KDM4C: variants seen among roughly 807,000 people sequenced by gnomAD.
The protein encoded by KDM4C is lysine demethylase 4C.
In KDM4C, 81 loss-of-function variants were observed where a neutral mutation model predicts 129.3. The ratio of observed to expected loss-of-function variants is 0.63; its 90% confidence interval spans 0.52 to 0.75. The LOEUF is 0.75. Among genes scored for constraint, KDM4C ranks in the 30% least tolerant of loss-of-function variants. The pLI is 0.00. For missense variants in KDM4C, 1,457 were observed against 1,304.0 expected, an observed-to-expected ratio of 1.12 and a Z score of -1.81; for synonymous variants, 573 against 456.1, an observed-to-expected ratio of 1.26 and a Z score of -3.26.
intron 12 of KDM4C, among the ~76,000 whole-genome samples, chr9:6,996,024 A>G (rs889293365): frequency 6.6e-6 from 1 of 152,200 alleles, no homozygotes; most frequent in Non-Finnish European, 1.5e-5. Context: ...GATTTATTAC[A>G]TGGATATACT....
At chr9:7,050,918 A>G (rs1830070114) in intron 17 of KDM4C, among the ~76,000 whole-genome samples, 1 of 152,184 alleles carries the variant, frequency 6.6e-6, no homozygotes. Context: ...CTTTCCTCAC[A>G]GTGCTGTGCT....
At chr9:7,119,158 A>G (rs1839233417) in intron 18 of KDM4C, among the ~76,000 whole-genome samples, 1 of 152,154 alleles carries the variant, frequency 6.6e-6, no homozygotes, top group Non-Finnish European at 1.5e-5. Flanking sequence ...TTAACCCTTT[A>G]TAAGGTGCCT....
intron 19 of KDM4C, among the ~76,000 whole-genome samples, chr9:7,160,507 G>A (rs115703465): frequency 6.6e-6 from 1 of 152,124 alleles, no homozygotes; most frequent in Non-Finnish European, 1.5e-5. Flanking sequence ...CTACAGATCG[G>A]GTTTTGGCGT....
intron 2 of KDM4C, among the ~76,000 whole-genome samples, chr9:6,796,899 A>T (rs1334051374): frequency 6.6e-6 from 1 of 152,198 alleles, no homozygotes; most frequent in African/African-American, 2.4e-5. Flanking sequence ...AAATCATATT[A>T]TAAAAATCAA....
chr9:7,038,698 G>A (rs945121891), intron 15 of KDM4C, among the ~76,000 whole-genome samples: 8 of 152,046 alleles, frequency 5.3e-5, no homozygotes, highest in Admixed American at 5.2e-4. Context: ...AAGTCAGCCT[G>A]CTGAGTCATT....
chr9:7,163,804 G>T (rs1844063856), intron 19 of KDM4C, among the ~76,000 whole-genome samples: 1 of 152,162 alleles, frequency 6.6e-6, no homozygotes, highest in Admixed American at 6.5e-5. Context: ...TCCTATGAGG[G>T]CCAAGGATAG....
At chr9:7,002,861 C>A (rs535703309) in intron 12 of KDM4C, among the ~76,000 whole-genome samples, 8 of 152,304 alleles carry the variant, frequency 5.3e-5, no homozygotes, top group Admixed American at 3.3e-4. Flanking sequence ...AAAGTTTACA[C>A]TCTACACTCT....
intron 4 of KDM4C, among the ~76,000 whole-genome samples, chr9:6,821,999 G>T (rs1014817729): frequency 5.9e-5 from 9 of 152,238 alleles, no homozygotes; most frequent in Middle Eastern, 3.4e-3. Context: ...TAAAAAATCT[G>T]AACACCATGG....
intron 15 of KDM4C, among the ~76,000 whole-genome samples, chr9:7,017,952 C>T (rs1347345475): frequency 6.6e-6 from 1 of 152,196 alleles, no homozygotes; most frequent in Non-Finnish European, 1.5e-5. Context: ...AATATGGACA[C>T]TCTTTATGGT....
chr9:6,794,880 C>A lies in KDM4C; in HGVS notation c.144+1748C>A, dbSNP rs1196545789. Among the ~76,000 whole-genome samples the A allele has an allele frequency of 2.6e-5, 4 of 152,068 alleles. No homozygotes were observed. In the East Asian group the frequency reaches 7.7e-4, roughly 29 times the overall value. On this transcript the variant is annotated intron_variant, in intron 2 of 21. Coordinates refer to ENST00000381309, the MANE Select transcript of KDM4C (RefSeq NM_015061.6). ...AAAGTAAGATCTTTGAAAGAGAGAT[C>A]CACTATATGATATAATTCATCGTCC... is the stretch of plus-strand genomic sequence containing the variant.
chr9:6,809,419 T>C lies in KDM4C; in HGVS notation c.320+3645T>C, dbSNP rs953642678. Among the ~76,000 whole-genome samples, 46 of 152,366 alleles carry C rather than the reference T, an allele frequency of 3.0e-4. 1 individual carries two copies. The highest frequency in any genetic ancestry group is 1.0e-3 in the African/African-American group (43 of 41,580). ...TTTTAGTACCCATTTCCAGTGTCTCTCTTAAAGTGTTAATTGAATAGGTTA... is the reference window on the plus strand; with the variant it reads ...TTTTAGTACCCATTTCCAGTGTCTCCCTTAAAGTGTTAATTGAATAGGTTA... On this transcript the variant is annotated intron_variant, in intron 3 of 21. Coordinates refer to ENST00000381309, the MANE Select transcript of KDM4C (RefSeq NM_015061.6).
chr9:6,986,294 A>C, intron 10 of KDM4C, 50 bp from the exon 11 acceptor site: 2 of 1,260,720 alleles, frequency 1.6e-6, no homozygotes, highest in Non-Finnish European at 2.2e-6. Flanking sequence ...AATTCTACTT[A>C]GTAGTAATAC....
At chr9:6,882,248 A>G (rs1844567492) in intron 6 of KDM4C, among the ~76,000 whole-genome samples, 2 of 152,346 alleles carry the variant, frequency 1.3e-5, no homozygotes, top group Non-Finnish European at 2.9e-5. Flanking sequence ...ATGCCATTGC[A>G]TTCTTTCTAA....
intron 1 of KDM4C, among the ~76,000 whole-genome samples, chr9:6,759,749 T>G (rs1230441999): frequency 6.6e-6 from 1 of 151,872 alleles, no homozygotes; most frequent in East Asian, 1.9e-4. Flanking sequence ...GGTCAGGAGT[T>G]CAAGACCAGC....
intron 18 of KDM4C, among the ~76,000 whole-genome samples, chr9:7,116,169 C>G (rs562907138): frequency 6.6e-6 from 1 of 152,064 alleles, no homozygotes; most frequent in African/African-American, 2.4e-5. Flanking sequence ...AGAAGTGAAA[C>G]TTTCTTCTTT....
At chr9:7,093,901 C>T (rs988819106) in intron 17 of KDM4C, among the ~76,000 whole-genome samples, 4 of 152,080 alleles carry the variant, frequency 2.6e-5, no homozygotes, top group Non-Finnish European at 5.9e-5. Context: ...GGAAGAGGCA[C>T]GACTGTCTTT....
At chr9:7,000,595 C>A (rs2792240) in intron 12 of KDM4C, among the ~76,000 whole-genome samples, 25,866 of 152,018 alleles carry the variant, frequency 0.17, 2,229 homozygotes, top group Admixed American at 0.22. Context: ...TTTCATGGTG[C>A]ATTCAATTCT....
At chr9:6,973,222 C>A (rs1326020694) in intron 8 of KDM4C, among the ~76,000 whole-genome samples, 1 of 151,998 alleles carries the variant, frequency 6.6e-6, no homozygotes, top group Non-Finnish European at 1.5e-5. Flanking sequence ...CTTTTTTTCT[C>A]CCCAGATATG....
intron 15 of KDM4C, among the ~76,000 whole-genome samples, chr9:7,022,997 C>G (rs561392533): frequency 2.0e-5 from 3 of 152,148 alleles, no homozygotes; most frequent in East Asian, 3.9e-4. Context: ...GGGATAAATC[C>G]CACTTGGTCA....
Sources: gnomAD v4.1 joint callset for allele counts (sites outside exome capture counted in the v4.1 genomes callset) on GRCh38, gnomAD v4.1.1 for gene constraint, MANE v1.5 for transcripts, NCBI Gene and HGNC (gene_info 2026-07-23, HGNC 2026-07-21) for gene names.